The following CCDC57 variants were observed in gnomAD, a reference collection of about 807,000 sequenced individuals.
The protein encoded by CCDC57 is coiled-coil domain-containing protein 57.
A neutral mutation model predicts 118.9 loss-of-function variants in CCDC57; 118 were observed. That is an observed-to-expected ratio of 0.99 (90% confidence interval 0.86 to 1.16). The LOEUF (loss-of-function observed/expected upper bound fraction) is 1.16. Among genes scored for constraint, CCDC57 ranks in the 50% most tolerant of loss-of-function variants. The probability of loss-of-function intolerance (pLI) is 0.00; values close to 1 mark genes in which losing one functional copy is unlikely to be tolerated. For missense variants in CCDC57, 1,300 were observed against 1,320.7 expected (o/e 0.98, Z 0.24); for synonymous variants, 527 against 532.9 (o/e 0.99, Z 0.15).
At chr17:82,186,310 C>T (rs1282767480) in intron 8 of CCDC57, among the ~76,000 whole-genome samples, 1 of 152,172 alleles carries the variant, frequency 6.6e-6, no homozygotes, top group Non-Finnish European at 1.5e-5. Flanking sequence ...AACGAAAAGA[C>T]ATTCAAGAAC....
chr17:82,113,541 AC>A, intron 19 of CCDC57: 1 of 717,574 alleles, frequency 1.4e-6, no homozygotes. Flanking sequence ...ATGTTTTTGC[AC>A]ACTGAGGAGC....
At chr17:82,163,064 GA>G (rs528373607) in intron 14 of CCDC57, 135 bp downstream of exon 13, 133 of 1,112,844 alleles carry the variant, frequency 1.2e-4, no homozygotes, top group Non-Finnish European at 1.7e-4. Context: ...CCCTTCCTCA[GA>G]AAAAAACAGG....
rs748524243 is a variant in CCDC57, at chr17:82,171,858, C to CA, written c.1730-6dup. 1.5e-4 allele frequency: 234 copies of CA among 1,608,222 alleles called. No homozygotes were observed. Among genetic ancestry groups the CA allele is most frequent in the Admixed American group, 4.9e-4 (29 of 59,374 alleles). ...CTTCAAGGGCCAGAACATAATCTGC[C>CA]AAAAAAACCTCCAGTGAATATAACA... On this transcript the variant is annotated splice_region_variant and splice_polypyrimidine_tract_variant and intron_variant, in intron 12 of 19. Transcript: ENST00000665763.
intron 16 of CCDC57, among the ~76,000 whole-genome samples, chr17:82,141,917 C>T (rs1051152104): frequency 1.3e-5 from 2 of 152,160 alleles, no homozygotes. Flanking sequence ...ATTGTCTTTG[C>T]GATTTGAGCT....
intron 17 of CCDC57, among the ~76,000 whole-genome samples, chr17:82,132,122 A>G (rs1598771955): frequency 1.5e-3 from 69 of 44,768 alleles, no homozygotes; most frequent in African/African-American, 5.1e-3. Flanking sequence ...CTGTCTCAAA[A>G]AAAAAAAAAA....
exon 17 of CCDC57, chr17:82,134,076 A>C (rs2038821793): frequency 1.4e-6 from 2 of 1,410,626 alleles, no homozygotes; most frequent in Non-Finnish European, 1.8e-6. Context: ...GTGTTACCTG[A>C]GATGTAAAAT....
intron 17 of CCDC57, among the ~76,000 whole-genome samples, chr17:82,130,659 C>A (rs1358160215): frequency 7.2e-6 from 1 of 138,240 alleles, no homozygotes; most frequent in South Asian, 2.3e-4. Flanking sequence ...CCTGCCACCA[C>A]AACTGGCTAA....
intron 19 of CCDC57, among the ~76,000 whole-genome samples, chr17:82,103,715 G>A (rs1034166665): frequency 6.6e-6 from 1 of 152,320 alleles, no homozygotes; most frequent in East Asian, 1.9e-4. Context: ...CTGAGGGAGG[G>A]GGGTGAAGGG....
At position 82,176,499 on chromosome 17, in the gene CCDC57, G is replaced by A. The variant is rs145560065; in HGVS notation, c.1506+1975C>T. ...TACCTTTCTACCCCTACGTCCTCAC[G>A]CCCTCACCTGTCTACCCCCACAGCC... On this transcript the variant is annotated intron_variant, in intron 11 of 19. Coordinates refer to ENST00000665763, the Ensembl canonical transcript of CCDC57. Among the ~76,000 whole-genome samples, 950 of 152,196 alleles carry A rather than the reference G, an allele frequency of 6.2e-3. 10 individuals carry two copies. Among genetic ancestry groups the A allele is most frequent in the Middle Eastern group, 0.027 (8 of 294 alleles).
intron 7 of CCDC57, among the ~76,000 whole-genome samples, chr17:82,193,293 C>T (rs1473043535): frequency 6.6e-6 from 1 of 152,008 alleles, no homozygotes; most frequent in Non-Finnish European, 1.5e-5. Context: ...CCTATAATCG[C>T]AGCACTTTGG....
intron 9 of CCDC57, among the ~76,000 whole-genome samples, chr17:82,182,721 T>C (rs951718303): frequency 8.6e-5 from 13 of 151,740 alleles, no homozygotes; most frequent in Admixed American, 2.0e-4. Context: ...AATCTCACTC[T>C]GCTGCCCAGG....
intron 9 of CCDC57, 97 bp from the exon 9 acceptor site, chr17:82,179,286 C>A: frequency 7.2e-7 from 1 of 1,389,784 alleles, no homozygotes; most frequent in South Asian, 1.4e-5. Flanking sequence ...TGCCGCTGTC[C>A]CTCCTGCTCT....
intron 16 of CCDC57, among the ~76,000 whole-genome samples, chr17:82,150,745 TGACCCGCACCCAGAACCA>T (rs2041852824): frequency 1.4e-5 from 1 of 70,222 alleles, no homozygotes; most frequent in African/African-American, 5.9e-5. Context: ...ACCCAGAACC[TGACCCGCACCCAGAACCA>T]GGCGCACACT....
At chr17:82,111,377 C>CT (rs752590665) in intron 19 of CCDC57, among the ~76,000 whole-genome samples, 3,983 of 113,204 alleles carry the variant, frequency 0.035, 267 homozygotes, top group African/African-American at 0.1. Flanking sequence ...GCCTAGGGCC[C>CT]TTTTTTTTTT....
intron 9 of CCDC57, 93 bp downstream of exon 8, chr17:82,183,681 G>T (rs2046478652): frequency 2.5e-6 from 3 of 1,195,070 alleles, no homozygotes; most frequent in South Asian, 1.6e-5. Flanking sequence ...TGAGGCCAGG[G>T]ACTCAATCTG....
chr17:82,186,643 C>T (rs926501976), intron 8 of CCDC57, among the ~76,000 whole-genome samples: 1 of 152,110 alleles, frequency 6.6e-6, no homozygotes. Flanking sequence ...AACAGAAATA[C>T]AATTTGTCAG....
rs1469599025 is a variant in CCDC57, at chr17:82,189,993, A to T, written c.852-1574T>A. Among the ~76,000 whole-genome samples the T allele has an allele frequency of 2.0e-5, 3 of 152,108 alleles. No homozygotes were observed. In the South Asian group the frequency reaches 6.2e-4, roughly 31 times the overall value. ...CCACTGCACTCCAGCCTGGGTGATA[A>T]GAGTGAAACTCTGTCTCAAATTAAA... On this transcript the variant is annotated intron_variant, in intron 7 of 19. Transcript: ENST00000665763.
chr17:82,115,558 C>T (rs1320447777), intron 19 of CCDC57, among the ~76,000 whole-genome samples: 2 of 151,948 alleles, frequency 1.3e-5, no homozygotes, highest in Non-Finnish European at 2.9e-5. Context: ...ATTGCTTGAA[C>T]CCAGGAGTTC....
At chr17:82,105,756 G>A (rs2034800603) in intron 19 of CCDC57, among the ~76,000 whole-genome samples, 1 of 152,198 alleles carries the variant, frequency 6.6e-6, no homozygotes, top group Non-Finnish European at 1.5e-5. Context: ...TCCACAGGGG[G>A]ACACTCCGGG....
Sources: allele counts gnomAD v4.1 joint callset (sites outside exome capture counted in the v4.1 genomes callset), GRCh38; gene constraint gnomAD v4.1.1; transcripts MANE v1.5; gene names NCBI Gene and HGNC (gene_info 2026-07-23, HGNC 2026-07-21).